SNUPN: variants seen among roughly 807,000 people sequenced by gnomAD.
The protein encoded by SNUPN is snurportin 1, also known as snurportin-1.
In SNUPN, 31 loss-of-function variants were observed where a neutral mutation model predicts 39.2. The observed-to-expected ratio is 0.79, with a 90% CI of 0.59 to 1.07. The LOEUF is 1.07. SNUPN is among the 50% of genes least tolerant of loss of function. The pLI, the probability that SNUPN is intolerant of heterozygous loss-of-function variation, is 0.00. For missense variants in SNUPN, 382 were observed against 434.2 expected (o/e 0.88, Z 1.07); for synonymous variants, 132 against 159.0 (o/e 0.83, Z 1.28).
chr15:75,599,701 G>A (rs2075270131), intron 8 of SNUPN, among the ~76,000 whole-genome samples: 1 of 152,108 alleles, frequency 6.6e-6, no homozygotes. Flanking sequence ...AAATAAAGAT[G>A]GTATTCTTAC....
intron 8 of SNUPN, 116 bp from the exon 9 acceptor site, chr15:75,598,797 C>T: frequency 2.8e-6 from 2 of 724,552 alleles, no homozygotes; most frequent in South Asian, 2.2e-5. Flanking sequence ...GGGTCACTGA[C>T]AGAGGAAAGA....
intron 3 of SNUPN, 95 bp from the exon 4 acceptor site, chr15:75,610,089 A>T: frequency 1.1e-6 from 1 of 939,248 alleles, no homozygotes; most frequent in Non-Finnish European, 1.7e-6. Flanking sequence ...GTATATTAAA[A>T]ACCTGAGTGA....
intron 6 of SNUPN, 76 bp from the exon 7 acceptor site, chr15:75,605,303 CTATTT>C: frequency 1.1e-6 from 1 of 888,802 alleles, no homozygotes; most frequent in Non-Finnish European, 1.7e-6. Context: ...ACACCCCATG[CTATTT>C]TTTTTTTTTT....
In SNUPN at chr15:75,615,594, A is replaced by ATTTTTTTTT. The variant is rs141302808; in HGVS notation, c.303+1805_303+1813dup. ...TTCCTCCTTGGTTGGAAGGAATCTC[A>ATTTTTTTTT]TTTTTTTTTTTTTTTTTTTTTTTTT... On this transcript the variant is annotated intron_variant, in intron 3 of 8. Transcript: ENST00000308588. 1.1e-4 allele frequency among the ~76,000 whole-genome samples: 8 copies of ATTTTTTTTT among 73,974 alleles called. 2 individuals carry two copies. Among genetic ancestry groups the ATTTTTTTTT allele is most frequent in the African/African-American group, 3.1e-4 (6 of 19,376 alleles). 48.5% of individuals were successfully genotyped at this position (73,974 alleles called of 152,430 possible). A position where few individuals can be genotyped will look rare whatever the true frequency, so the allele number is the denominator to read the frequency against.
chr15:75,602,202 C>T (rs2075292933), intron 7 of SNUPN, among the ~76,000 whole-genome samples: 2 of 150,234 alleles, frequency 1.3e-5, no homozygotes, highest in Admixed American at 6.6e-5. Context: ...AGCGAGACTC[C>T]GTCTCTAAAA....
intron 1 of SNUPN, among the ~76,000 whole-genome samples, chr15:75,623,758 A>G (rs1369595839): frequency 6.6e-6 from 1 of 151,720 alleles, no homozygotes; most frequent in African/African-American, 2.4e-5. Context: ...GGTGTGCCTT[A>G]ATATCTTTGC....
rs1163246102 is a variant in SNUPN, at chr15:75,621,150, T to C, written c.-5-94A>G. 9 of 1,254,736 alleles carry C rather than the reference T, an allele frequency of 7.2e-6. No homozygotes were observed. The Admixed American group carries it at 1.0e-4, about 14-fold the overall frequency. The allele number at this position is 1,254,736 out of a possible 1,614,324, so 77.7% of individuals were successfully genotyped here. A position where few individuals can be genotyped will look rare whatever the true frequency, so the allele number is the denominator to read the frequency against. The stretch of plus-strand genomic sequence containing the variant: ...AGTTATGATATGATGGCCACATTCC[T>C]GAAAAAAAATTAACTTAATGCAAAA... On this transcript the variant is annotated intron_variant, in intron 1 of 8. Transcript: ENST00000308588.
chr15:75,620,160 C>T (rs1893032586), intron 2 of SNUPN, among the ~76,000 whole-genome samples: 1 of 152,030 alleles, frequency 6.6e-6, no homozygotes, highest in African/African-American at 2.4e-5. Flanking sequence ...TGCAAGCCAC[C>T]CAGAGCCACA....
chr15:75,609,485 G>C, intron 5 of SNUPN, 73 bp downstream of exon 5: 1 of 1,240,460 alleles, frequency 8.1e-7, no homozygotes, highest in Admixed American at 1.7e-5. Context: ...CACCGCGCCC[G>C]GCCCAAAGTG....
rs1464944660 is a variant in SNUPN, at chr15:75,609,607, C to A, written c.453G>T (p.Arg151Ser). 6.2e-7 allele frequency: 1 copy of A among 1,613,746 alleles called. No homozygotes were observed. Among genetic ancestry groups the A allele is most frequent in the Non-Finnish European group, 8.5e-7 (1 of 1,179,872 alleles). The part of the protein sequence containing the change: ...AYTKSGYCVN[R>S]FSSLLPGGNR... ...TGCCTCCTGGCAGAAGTGAAGAAAA[C>A]CTGTTGACACAGTAGCCACTCTTGG... Residue 151 changes from arginine to serine, a missense_variant, in exon 5 of 9, where the codon AGG (arginine) becomes AGT (serine). Physicochemically the swap from Arg to Ser is moderately radical, Grantham distance 110. Transcript: ENST00000308588.
In SNUPN at chr15:75,598,538, A is replaced by C. The variant is rs1209883983; in HGVS notation, c.903T>G (p.Tyr301Ter). ...PAGPLTTKPD[Y>*]AGHQLQQIME... ...TAATCTGCTGGAGCTGGTGCCCAGC[A>C]TAGTCTGGCTTGGTGGTCAGCGGGC... is the stretch of plus-strand genomic sequence containing the variant. The change falls in exon 9 of 9, where the codon TAT (tyrosine) becomes TAG (stop). Residue 301 changes from tyrosine (Y) to a stop codon, truncating the protein, a stop_gained. Coordinates refer to ENST00000308588, the MANE Select transcript of SNUPN (RefSeq NM_005701.4). LOFTEE classifies it low-confidence loss of function (END_TRUNC). 6.2e-7 allele frequency: 1 copy of C among 1,614,108 alleles called. No homozygotes were observed. Among genetic ancestry groups the C allele is most frequent in the Admixed American group, 1.7e-5 (1 of 59,996 alleles).
chr15:75,623,967 G>A (rs1170164230), intron 1 of SNUPN, among the ~76,000 whole-genome samples: 3 of 126,402 alleles, frequency 2.4e-5, no homozygotes, highest in Admixed American at 9.0e-5. Flanking sequence ...TCGCTCTGTC[G>A]CCCAGGCTGG....
intron 2 of SNUPN, among the ~76,000 whole-genome samples, chr15:75,617,859 A>G (rs990479646): frequency 4.6e-5 from 7 of 152,150 alleles, no homozygotes; most frequent in African/African-American, 1.7e-4. Flanking sequence ...TGGGATTATT[A>G]GGCATGAACC....
Position 75,598,656 on chromosome 15 carries a change from T to G in SNUPN, c.785A>C (p.Lys262Thr). 6.2e-7 allele frequency: 1 copy of G among 1,605,922 alleles called. No individual in the cohort carries two copies. The highest frequency in any genetic ancestry group is 8.5e-7 in the Non-Finnish European group (1 of 1,173,206). The part of the protein sequence containing the change: ...FEVDGLLFYH[K>T]QTHYSPGSTP... Reference sequence around the variant, plus strand: ...GCTTCCGGGGCTGTAGTGGGTCTGTTTGTGGTAGAAGAGAAGTCCATCTAC... The same window carrying G: ...GCTTCCGGGGCTGTAGTGGGTCTGTGTGTGGTAGAAGAGAAGTCCATCTAC... The change falls in exon 9 of 9, where the codon AAA becomes ACA. Residue 262 changes from lysine (K) to threonine (T), a missense_variant. Coordinates refer to ENST00000308588, the MANE Select transcript of SNUPN (RefSeq NM_005701.4).
chr15:75,610,155 T>C (rs1257224542), intron 3 of SNUPN, among the ~76,000 whole-genome samples, 161 bp from the exon 4 acceptor site: 1 of 151,898 alleles, frequency 6.6e-6, no homozygotes, highest in Admixed American at 6.6e-5. Context: ...CCCAGCACTT[T>C]GGGAGGCTGT....
rs774557896 is a variant in SNUPN, at chr15:75,617,402, ACTTACTT to A, written c.302_303+5del. The A allele has an allele frequency of 2.5e-6, 4 of 1,612,922 alleles. No homozygotes were observed. The East Asian group carries it at 8.9e-5, about 36-fold the overall frequency. On this transcript the variant is annotated splice_donor_variant and splice_donor_5th_base_variant and coding_sequence_variant and intron_variant, in exon 3 of 9. Transcript: ENST00000308588. LOFTEE classifies it high-confidence loss of function. Reference sequence around the variant, plus strand: ...AGCTGGGTCTCATCTTCTCTGGACCACTTACTTGATTAGCATAGTGTTTTGGTAACTT... The same window carrying A: ...AGCTGGGTCTCATCTTCTCTGGACCAGATTAGCATAGTGTTTTGGTAACTT...
intron 2 of SNUPN, 44 bp downstream of exon 2, chr15:75,620,850 C>A: frequency 6.3e-7 from 1 of 1,578,932 alleles, no homozygotes; most frequent in Non-Finnish European, 8.7e-7. Flanking sequence ...TGGTTCATAG[C>A]TCCTAGCCCA....
At chr15:75,605,906 T>C (rs1258807251) in intron 6 of SNUPN, among the ~76,000 whole-genome samples, 2 of 152,110 alleles carry the variant, frequency 1.3e-5, no homozygotes, top group African/African-American at 4.8e-5. Flanking sequence ...AGCACTTCGG[T>C]AGGCCAAAGT....
rs1322884375 is a variant in SNUPN at position 75,621,000 on chromosome 15, G to A, written c.52C>T (p.Leu18=). The change falls in exon 2 of 9, where the codon CTG becomes TTG. Residue 18 remains leucine (L), a synonymous_variant. Transcript: ENST00000308588. ...GGGTGTGGGGCAGCTGTGCTGTTCA[G>A]ATCTTGAGACACAGAAAAGCTACTA... is the stretch of plus-strand genomic sequence containing the variant. ...LASSFSVSQD[L]NSTAAPHPRL... The A allele has an allele frequency of 1.9e-6, 3 of 1,614,016 alleles. No homozygotes were observed. The highest frequency in any genetic ancestry group is 2.5e-6 in the Non-Finnish European group (3 of 1,180,004).
Sources: allele counts gnomAD v4.1 joint callset (sites outside exome capture counted in the v4.1 genomes callset), GRCh38; gene constraint gnomAD v4.1.1; transcripts MANE v1.5; gene names NCBI Gene and HGNC (gene_info 2026-07-23, HGNC 2026-07-21).